The following LNX1 variants were observed in gnomAD, a reference collection of about 807,000 sequenced individuals.
LNX1 encodes ligand of numb-protein X 1, also known as E3 ubiquitin-protein ligase LNX.
A neutral mutation model predicts 68.4 loss-of-function variants in LNX1; 54 were observed. The observed-to-expected ratio is 0.79, with a 90% confidence interval of 0.63 to 0.99. The LOEUF (loss-of-function observed/expected upper bound fraction) is 0.99. Ranked by LOEUF, LNX1 falls within the 50% of genes least tolerant of loss-of-function variation. LNX1 has a pLI of 0.00. For missense variants in LNX1, 906 were observed against 926.4 expected (o/e 0.98, Z 0.29); for synonymous variants, 336 against 350.0 (o/e 0.96, Z 0.45).
Position 53,496,176 on chromosome 4 carries a change from G to A in LNX1, c.1197C>T (p.Arg399=), listed in dbSNP as rs1725043366. Residue 399 remains arginine (R), a synonymous_variant, in exon 6 of 11, where the codon CGC becomes CGT. Transcript: ENST00000263925. The part of the protein sequence containing the change: ...PEEQLGIKLV[R]KVDEPGVFIF... ...TGAAAACCCCAGGCTCATCCACCTT[G>A]CGCACCAGTTTTATTCCAAGCTGCT... is the stretch of plus-strand genomic sequence containing the variant. The A allele has an allele frequency of 1.2e-6, 2 of 1,614,100 alleles. No homozygotes were observed. The highest frequency in any genetic ancestry group is 8.5e-7 in the Non-Finnish European group (1 of 1,180,016).
intron 2 of LNX1, among the ~76,000 whole-genome samples, chr4:53,570,782 C>A (rs1731100799): frequency 6.6e-6 from 1 of 151,432 alleles, no homozygotes; most frequent in East Asian, 2.0e-4. Flanking sequence ...AATCCCAGCA[C>A]TTTGGGAGGC....
At chr4:53,529,596 A>T (rs1455992683) in intron 2 of LNX1, among the ~76,000 whole-genome samples, 1 of 152,224 alleles carries the variant, frequency 6.6e-6, no homozygotes, top group Non-Finnish European at 1.5e-5. Flanking sequence ...GCAGGGACAG[A>T]TGCAGGGAGA....
chr4:53,473,482 C>T (rs1367583265), intron 9 of LNX1, among the ~76,000 whole-genome samples: 1 of 152,154 alleles, frequency 6.6e-6, no homozygotes, highest in South Asian at 2.1e-4. Context: ...TAAAGAAGAA[C>T]AAGATCATGT....
chr4:53,473,854 G>T (rs1723394331), intron 9 of LNX1, among the ~76,000 whole-genome samples: 1 of 152,216 alleles, frequency 6.6e-6, no homozygotes, highest in South Asian at 2.1e-4. Context: ...AGTTGAAAAG[G>T]ATCCGAGAAC....
chr4:53,617,560 C>G (rs2109855702), upstream of LNX1: 1 of 152,302 alleles, frequency 6.6e-6, no homozygotes, highest in African/African-American at 2.4e-5. Flanking sequence ...GATACTACAC[C>G]ACATACATGA....
At chr4:53,568,799 G>A (rs1560671760) in intron 2 of LNX1, among the ~76,000 whole-genome samples, 2 of 152,066 alleles carry the variant, frequency 1.3e-5, no homozygotes, top group Non-Finnish European at 2.9e-5. Flanking sequence ...AAGCTGATAA[G>A]CGACTTCAGC....
At chr4:53,532,039 A>C (rs1290894694) in intron 2 of LNX1, among the ~76,000 whole-genome samples, 2 of 152,190 alleles carry the variant, frequency 1.3e-5, no homozygotes, top group Non-Finnish European at 2.9e-5. Context: ...AAAAGCTGAC[A>C]CCCCAAGCAT....
chr4:53,517,973 T>G (rs187737302), intron 2 of LNX1, among the ~76,000 whole-genome samples: 3 of 152,302 alleles, frequency 2.0e-5, no homozygotes, highest in Admixed American at 6.5e-5. Flanking sequence ...CACACACGGC[T>G]TCCCCTCATT....
intron 2 of LNX1, among the ~76,000 whole-genome samples, chr4:53,573,346 T>G (rs1361947416): frequency 6.6e-6 from 1 of 152,202 alleles, no homozygotes; most frequent in Non-Finnish European, 1.5e-5. Flanking sequence ...ATGAAAGTAC[T>G]TAATACCACT....
At chr4:53,596,280 G>A (rs1335522518), upstream of LNX1, among the ~76,000 whole-genome samples, 2 of 152,180 alleles carry the variant, frequency 1.3e-5, no homozygotes, top group African/African-American at 2.4e-5. Context: ...TTGCAGATGA[G>A]TTTCTAGGGT....
intron 2 of LNX1, among the ~76,000 whole-genome samples, chr4:53,598,142 T>A (rs1732838455): frequency 6.6e-6 from 1 of 152,174 alleles, no homozygotes; most frequent in Admixed American, 6.5e-5. Context: ...TACCATCTCC[T>A]TTATAGGACC....
chr4:53,478,317 T>C (rs1023166485), intron 8 of LNX1, among the ~76,000 whole-genome samples: 1 of 152,090 alleles, frequency 6.6e-6, no homozygotes, highest in Non-Finnish European at 1.5e-5. Context: ...ACTGTAGCAG[T>C]TCTCTATTAA....
intron 2 of LNX1, among the ~76,000 whole-genome samples, chr4:53,571,022 G>A (rs1461362072): frequency 4.1e-5 from 6 of 147,650 alleles, no homozygotes; most frequent in South Asian, 2.1e-4. Flanking sequence ...GCCAGACTCC[G>A]TCTAAAAAAA....
chr4:53,569,921 C>T (rs1180387391), intron 2 of LNX1, among the ~76,000 whole-genome samples: 1 of 151,460 alleles, frequency 6.6e-6, no homozygotes, highest in African/African-American at 2.4e-5. Flanking sequence ...AAATGCTCAC[C>T]ATCACTGGCC....
chr4:53,634,781 C>A (rs989259350), intron 1 of LNX1, among the ~76,000 whole-genome samples: 1 of 151,758 alleles, frequency 6.6e-6, no homozygotes, highest in South Asian at 2.1e-4. Context: ...TCTTCCCTGG[C>A]ATGTTTGTCC....
At chr4:53,621,117 G>A (rs1733852961), upstream of LNX1, among the ~76,000 whole-genome samples, 1 of 152,154 alleles carries the variant, frequency 6.6e-6, no homozygotes, top group Non-Finnish European at 1.5e-5. Context: ...CTGGGAGCTT[G>A]TTAGTGCAGC....
At chr4:53,626,338 A>G (rs1477875) in intron 1 of LNX1, among the ~76,000 whole-genome samples, 110,116 of 152,044 alleles carry the variant, frequency 0.72, 40,511 homozygotes, top group East Asian at 0.91. Flanking sequence ...CATAACCCTC[A>G]TATAATAAAT....
chr4:53,526,295 A>C (rs921866330), intron 2 of LNX1, among the ~76,000 whole-genome samples: 3 of 152,164 alleles, frequency 2.0e-5, no homozygotes, highest in African/African-American at 7.2e-5. Context: ...TTGATGTAAA[A>C]TGATGAGTAC....
At chr4:53,511,951 G>C (rs1489548848) in intron 2 of LNX1, among the ~76,000 whole-genome samples, 2 of 152,120 alleles carry the variant, frequency 1.3e-5, no homozygotes, top group South Asian at 2.1e-4. Context: ...CCAGCCATAC[G>C]ACCTCCCTTT....
Sources: allele counts gnomAD v4.1 joint callset (sites outside exome capture counted in the v4.1 genomes callset), GRCh38; gene constraint gnomAD v4.1.1; transcripts MANE v1.5; gene names NCBI Gene and HGNC (gene_info 2026-07-23, HGNC 2026-07-21).